DTNA: variants seen among roughly 807,000 people sequenced by gnomAD.
DTNA encodes dystrobrevin alpha, also known as dystrophin-related protein 3.
A neutral mutation model predicts 100.7 loss-of-function variants in DTNA; 43 were observed. The ratio of observed to expected loss-of-function variants is 0.43; its 90% CI spans 0.33 to 0.55. The LOEUF is 0.55. DTNA is among the 20% of genes least tolerant of loss of function. The probability of loss-of-function intolerance (pLI) is 0.04; values close to 1 mark genes in which losing one functional copy is unlikely to be tolerated. For missense variants in DTNA, 798 were observed against 953.9 expected (o/e 0.84, Z 2.15); for synonymous variants, 349 against 347.9 (o/e 1.00, Z -0.04).
chr18:34,744,468 C>T (rs1361661354), intron 1 of DTNA, among the ~76,000 whole-genome samples: 1 of 152,094 alleles, frequency 6.6e-6, no homozygotes, highest in East Asian at 1.9e-4. Flanking sequence ...AAAAAAATAT[C>T]ATGAGGCTTT....
intron 1 of DTNA, among the ~76,000 whole-genome samples, chr18:34,614,978 G>A (rs2054946979): frequency 6.6e-6 from 1 of 152,196 alleles, no homozygotes; most frequent in African/African-American, 2.4e-5. Context: ...GCCAATTAAT[G>A]CAGCAAACAT....
chr18:34,884,798 A>T (rs1454975543), intron 22 of DTNA, 22 bp downstream of exon 22: 1 of 1,612,934 alleles, frequency 6.2e-7, no homozygotes, highest in African/African-American at 1.3e-5. Context: ...CTTATTTAGG[A>T]GGAATCATGG....
intron 7 of DTNA, among the ~76,000 whole-genome samples, chr18:34,816,619 T>G (rs531492398): frequency 6.6e-6 from 1 of 152,304 alleles, no homozygotes; most frequent in South Asian, 2.1e-4. Context: ...TTACAGAAAA[T>G]TAAACATGGA....
chr18:34,766,387 C>G (rs1307837518), intron 3 of DTNA, among the ~76,000 whole-genome samples: 1 of 152,112 alleles, frequency 6.6e-6, no homozygotes, highest in Middle Eastern at 3.2e-3. Flanking sequence ...GCAGTGCCAT[C>G]AAAATGGTTT....
intron 1 of DTNA, among the ~76,000 whole-genome samples, chr18:34,496,319 G>C (rs1228078024): frequency 6.6e-6 from 1 of 151,734 alleles, no homozygotes; most frequent in East Asian, 1.9e-4. Flanking sequence ...TATGCTATCA[G>C]TCACAAATGT....
chr18:34,537,781 A>G (rs2043859872), intron 1 of DTNA, among the ~76,000 whole-genome samples: 1 of 152,026 alleles, frequency 6.6e-6, no homozygotes, highest in African/African-American at 2.4e-5. Context: ...GAAATGGAGG[A>G]AATGTGTAGT....
intron 5 of DTNA, among the ~76,000 whole-genome samples, chr18:34,806,557 A>G (rs1298966542): frequency 1.3e-5 from 2 of 152,238 alleles, no homozygotes; most frequent in Non-Finnish European, 2.9e-5. Flanking sequence ...TTCTGAAATT[A>G]AAGTAAAATA....
intron 19 of DTNA, 57 bp from the exon 20 acceptor site, chr18:34,879,494 G>C (rs2096851369): frequency 1.3e-6 from 2 of 1,576,320 alleles, no homozygotes; most frequent in African/African-American, 2.7e-5. Flanking sequence ...TCCTTTATTT[G>C]CAGGTCATAA....
chr18:34,845,534 T>C (rs1786602), intron 13 of DTNA, among the ~76,000 whole-genome samples: 20,150 of 152,170 alleles, frequency 0.13, 1,485 homozygotes, highest in African/African-American at 0.2. Flanking sequence ...AAAGATATCA[T>C]GTTCCTGGGC....
At chr18:34,781,523 T>C (rs2094322055) in intron 3 of DTNA, among the ~76,000 whole-genome samples, 1 of 152,098 alleles carries the variant, frequency 6.6e-6, no homozygotes, top group South Asian at 2.1e-4. Flanking sequence ...AAAGATACAC[T>C]CCTCATGTTC....
chr18:34,695,638 G>C (rs2080425692), intron 1 of DTNA, among the ~76,000 whole-genome samples: 3 of 152,198 alleles, frequency 2.0e-5, no homozygotes, highest in Admixed American at 1.3e-4. Flanking sequence ...TGAAACAGTA[G>C]CTTTCTCAGA....
At chr18:34,875,470 CAA>C (rs1389340229) in intron 18 of DTNA, 72 bp downstream of exon 18, 1 of 1,602,718 alleles carries the variant, frequency 6.2e-7, no homozygotes, top group East Asian at 2.2e-5. Context: ...ATTGAGTGGT[CAA>C]GAGTTGTCAG....
rs2096832060 is a variant in DTNA at position 34,877,682 on chromosome 18, A to G, written c.1904-37A>G. On this transcript the variant is annotated intron_variant, in intron 18 of 22. Coordinates refer to ENST00000444659, the MANE Select transcript of DTNA (RefSeq NM_001386795.1). ...AACATAAAAATTTAGGATAGAAGGA[A>G]GCTTTGGTTTTTTAAATTATTTCTT... The G allele has an allele frequency of 1.9e-6, 3 of 1,573,844 alleles. No individual in the cohort carries two copies. In the African/African-American group the frequency reaches 4.1e-5, roughly 21 times the overall value.
chr18:34,533,571 A>T (rs1290004307), intron 1 of DTNA, among the ~76,000 whole-genome samples: 1 of 152,096 alleles, frequency 6.6e-6, no homozygotes, highest in Non-Finnish European at 1.5e-5. Flanking sequence ...CTCCGTAGAT[A>T]ATCAAAGATT....
chr18:34,609,380 G>T (rs1243692104), intron 1 of DTNA, among the ~76,000 whole-genome samples: 1 of 151,756 alleles, frequency 6.6e-6, no homozygotes, highest in Non-Finnish European at 1.5e-5. Flanking sequence ...GAGCGGCTGG[G>T]ACTACAGGTA....
intron 13 of DTNA, among the ~76,000 whole-genome samples, chr18:34,839,304 A>G (rs1209555689): frequency 6.6e-6 from 1 of 152,200 alleles, no homozygotes; most frequent in Non-Finnish European, 1.5e-5. Flanking sequence ...TTCTTTAACA[A>G]TGATAACAGT....
At chr18:34,742,629 T>TATCTAGATAGATAGATAA (rs2090869743) in intron 1 of DTNA, among the ~76,000 whole-genome samples, 1 of 137,688 alleles carries the variant, frequency 7.3e-6, no homozygotes, top group Non-Finnish European at 1.6e-5. Flanking sequence ...TCTGATTATC[T>TATCTAGATAGATAGATAA]TCTATTATCT....
intron 1 of DTNA, among the ~76,000 whole-genome samples, chr18:34,608,244 G>A (rs2053529190): frequency 6.6e-6 from 1 of 152,208 alleles, no homozygotes; most frequent in African/African-American, 2.4e-5. Flanking sequence ...TAGGCAGCCT[G>A]ACCTATGATG....
At chr18:34,558,395 C>T (rs555402533) in intron 1 of DTNA, among the ~76,000 whole-genome samples, 1 of 152,098 alleles carries the variant, frequency 6.6e-6, no homozygotes. Flanking sequence ...GCTCTTCCCC[C>T]CTAGTTTGCT....
Sources: allele counts gnomAD v4.1 joint callset (sites outside exome capture counted in the v4.1 genomes callset), GRCh38; gene constraint gnomAD v4.1.1; transcripts MANE v1.5; gene names NCBI Gene and HGNC (gene_info 2026-07-23, HGNC 2026-07-21).